PARD3B: variants seen among roughly 807,000 people sequenced by gnomAD.
PARD3B encodes the protein partitioning defective 3 homolog B.
Under a neutral mutation model 130.2 loss-of-function variants are expected in PARD3B, and 103 were observed. The ratio of observed to expected loss-of-function variants is 0.79; its 90% CI spans 0.67 to 0.93. The LOEUF (loss-of-function observed/expected upper bound fraction) is 0.93, where lower values mean the gene tolerates loss of function less well. Among genes scored for constraint, PARD3B ranks in the 40% least tolerant of loss-of-function variants. The probability of loss-of-function intolerance (pLI) is 0.00; values close to 1 mark genes in which losing one functional copy is unlikely to be tolerated. For synonymous variants in PARD3B, 583 were observed against 553.2 expected, an observed-to-expected ratio of 1.05 and a Z score of -0.76; for missense variants, 1,609 against 1,499.2, an observed-to-expected ratio of 1.07 and a Z score of -1.21.
In PARD3B at chr2:204,975,341, C is replaced by G. The variant is rs189156646; in HGVS notation, c.394+10018C>G. 2.6e-5 allele frequency among the ~76,000 whole-genome samples: 4 copies of G among 152,286 alleles called. No homozygotes were observed. The East Asian group carries it at 7.7e-4, about 29-fold the overall frequency. ...TTAAGCAATTAAAAATAACTAAGGT[C>G]TCAAGTCTCTCCATGACTACCAACA... On this transcript the variant is annotated intron_variant, in intron 3 of 22. Transcript: ENST00000406610.
rs560207419 is a variant in PARD3B, at chr2:205,617,061, T to A, written c.*1248T>A. 1 of 154,528 alleles carries A rather than the reference T, an allele frequency of 6.5e-6. No individual in the cohort carries two copies. The highest frequency in any genetic ancestry group is 2.0e-4 in the South Asian group (1 of 4,920). The allele number at this position is 154,528 out of a possible 1,614,324, so 9.6% of individuals were successfully genotyped here. A position where few individuals can be genotyped will look rare whatever the true frequency, so the allele number is the denominator to read the frequency against. On this transcript the variant is annotated 3_prime_UTR_variant, in exon 23 of 23. Coordinates refer to ENST00000406610, the MANE Select transcript of PARD3B (RefSeq NM_001302769.2). Reference sequence around the variant, plus strand: ...CTAAATCCATCTGCATTTGCTATATTTCATTAGCTAAAGTCAGGTCAGGGC... The same window carrying A: ...CTAAATCCATCTGCATTTGCTATATATCATTAGCTAAAGTCAGGTCAGGGC...
chr2:204,761,405 G>A (rs2040891658), intron 2 of PARD3B, among the ~76,000 whole-genome samples: 1 of 152,174 alleles, frequency 6.6e-6, no homozygotes, highest in South Asian at 2.1e-4. Flanking sequence ...TAAGTTGAGA[G>A]CAGAGGCAGA....
intron 2 of PARD3B, among the ~76,000 whole-genome samples, chr2:204,904,521 T>G (rs2046977780): frequency 6.6e-6 from 1 of 152,128 alleles, no homozygotes; most frequent in Non-Finnish European, 1.5e-5. Flanking sequence ...TTATACCCCC[T>G]AAATATTTAT....
intron 3 of PARD3B, among the ~76,000 whole-genome samples, chr2:205,044,636 C>T (rs1698638597): frequency 6.6e-6 from 1 of 152,096 alleles, no homozygotes. Flanking sequence ...GTCCTTCGCC[C>T]ACTTTTTGAT....
chr2:205,547,573 G>A (rs979262552), intron 21 of PARD3B, among the ~76,000 whole-genome samples: 2 of 152,254 alleles, frequency 1.3e-5, no homozygotes, highest in Admixed American at 6.5e-5. Context: ...CTATTTCTAT[G>A]TAGGAAGTTT....
intron 18 of PARD3B, among the ~76,000 whole-genome samples, chr2:205,332,911 A>G (rs78127654): frequency 6.6e-6 from 1 of 152,336 alleles, no homozygotes; most frequent in African/African-American, 2.4e-5. Flanking sequence ...TGAGGCTTGA[A>G]TTAGTGAGGT....
rs746193390 is a variant in PARD3B at position 204,673,437 on chromosome 2, C to T, written c.121-12744C>T. Among the ~76,000 whole-genome samples, 2 of 152,154 alleles carry T rather than the reference C, an allele frequency of 1.3e-5. No homozygotes were observed. The highest frequency in any genetic ancestry group is 2.9e-5 in the Non-Finnish European group (2 of 68,028). On this transcript the variant is annotated intron_variant, in intron 1 of 22. Transcript: ENST00000406610. The surrounding 1 kb of genome is among the most constrained non-coding windows in gnomAD (Gnocchi z 4.7). ...TGGTTACTACCACTTGGTGTTTTTG[C>T]ATCTCCACCAAGTTTATTCAACCTG...
At chr2:205,055,268 A>G (rs531789392) in intron 4 of PARD3B, among the ~76,000 whole-genome samples, 1 of 152,222 alleles carries the variant, frequency 6.6e-6, no homozygotes, top group Non-Finnish European at 1.5e-5. Flanking sequence ...TATCCATTAC[A>G]TCTAAAGATT....
intron 12 of PARD3B, among the ~76,000 whole-genome samples, chr2:205,172,941 A>G (rs927917437): frequency 2.6e-5 from 4 of 152,166 alleles, no homozygotes; most frequent in African/African-American, 9.6e-5. Flanking sequence ...TCACTTACAC[A>G]TGGAGTCTAA....
intron 18 of PARD3B, among the ~76,000 whole-genome samples, chr2:205,331,209 T>C (rs1422076868): frequency 6.6e-6 from 1 of 151,666 alleles, no homozygotes; most frequent in Non-Finnish European, 1.5e-5. Context: ...CACACAGACA[T>C]GTGCATACAA....
At chr2:204,752,463 A>G (rs2040501985) in intron 2 of PARD3B, among the ~76,000 whole-genome samples, 8 of 152,186 alleles carry the variant, frequency 5.3e-5, no homozygotes, top group Admixed American at 5.2e-4. Flanking sequence ...TAGTGAATGA[A>G]TAAAAAATGG....
intron 13 of PARD3B, among the ~76,000 whole-genome samples, chr2:205,181,229 A>G (rs1398969901): frequency 2.0e-5 from 3 of 152,162 alleles, no homozygotes; most frequent in Admixed American, 2.0e-4. Context: ...TCTGAGACAC[A>G]TCATAGTAGA....
At chr2:204,951,803 T>C (rs1387527175) in intron 2 of PARD3B, among the ~76,000 whole-genome samples, 2 of 152,190 alleles carry the variant, frequency 1.3e-5, no homozygotes, top group African/African-American at 4.8e-5. Context: ...AGCTGAATCC[T>C]GGCAAATATG....
Position 205,590,942 on chromosome 2 carries a change from A to G in PARD3B, c.3261-24514A>G, listed in dbSNP as rs2054365639. Among the ~76,000 whole-genome samples the G allele has an allele frequency of 6.6e-6, 1 of 152,140 alleles. No homozygotes were observed. The highest frequency in any genetic ancestry group is 1.5e-5 in the Non-Finnish European group (1 of 68,022). On this transcript the variant is annotated intron_variant, in intron 22 of 22. Transcript: ENST00000406610. This position sits in a 1 kb window ranked among gnomAD's most constrained non-coding sequence, Gnocchi z 4.1. ...TCATCCATCAGATAATCCCATATAA[A>G]GGAAAAAGACAAGAGAGACAAGAAT...
At chr2:205,432,103 T>C (rs1272677353) in intron 19 of PARD3B, among the ~76,000 whole-genome samples, 1 of 152,196 alleles carries the variant, frequency 6.6e-6, no homozygotes, top group Non-Finnish European at 1.5e-5. Context: ...TTTGAGGCAT[T>C]TGAAGGGCAG....
chr2:205,452,991 C>T (rs150522385), intron 20 of PARD3B, among the ~76,000 whole-genome samples: 55 of 152,266 alleles, frequency 3.6e-4, no homozygotes, highest in East Asian at 3.3e-3. Context: ...TGACCTGATC[C>T]TTAGGATATA....
At chr2:205,236,576 T>A (rs1395832564) in intron 15 of PARD3B, among the ~76,000 whole-genome samples, 2 of 152,098 alleles carry the variant, frequency 1.3e-5, no homozygotes, top group East Asian at 3.9e-4. Flanking sequence ...AGAAAATAAA[T>A]TTGTCCAAGC....
At chr2:204,695,882 G>A (rs1366521431) in intron 2 of PARD3B, among the ~76,000 whole-genome samples, 2 of 151,920 alleles carry the variant, frequency 1.3e-5, no homozygotes, top group South Asian at 2.1e-4. Context: ...GAGAGTATAG[G>A]GAGAAGTAGT....
intron 3 of PARD3B, among the ~76,000 whole-genome samples, chr2:205,046,480 GTT>G (rs10538808): frequency 0.1 from 14,228 of 140,718 alleles, 726 homozygotes; most frequent in Non-Finnish European, 0.11. Context: ...CATGAAAGAA[GTT>G]TTTTTTTTTT....
Sources: allele counts gnomAD v4.1 joint callset (sites outside exome capture counted in the v4.1 genomes callset), GRCh38; gene constraint gnomAD v4.1.1; non-coding constraint Gnocchi (gnomAD v3.1); transcripts MANE v1.5; gene names NCBI Gene and HGNC (gene_info 2026-07-23, HGNC 2026-07-21).